PEAK1: variants seen among roughly 807,000 people sequenced by gnomAD.
PEAK1 encodes inactive tyrosine-protein kinase PEAK1.
In PEAK1, 54 loss-of-function variants were observed where a neutral mutation model predicts 124.7. That is an observed-to-expected ratio of 0.43 (90% CI 0.35 to 0.54). The LOEUF (loss-of-function observed/expected upper bound fraction) is 0.54, where lower values mean the gene tolerates loss of function less well. PEAK1 is among the 20% of genes least tolerant of loss of function. The pLI, the probability that PEAK1 is intolerant of heterozygous loss-of-function variation, is 0.01. For synonymous variants in PEAK1, 719 were observed against 760.0 expected (o/e 0.95, Z 0.89); for missense variants, 2,046 against 2,134.5 (o/e 0.96, Z 0.82).
chr15:77,185,135 T>C (rs1280546533), intron 6 of PEAK1, among the ~76,000 whole-genome samples: 1 of 152,060 alleles, frequency 6.6e-6, no homozygotes, highest in Admixed American at 6.6e-5. Flanking sequence ...TAAAAAGTAT[T>C]GAGGTTTTAG....
intron 2 of PEAK1, among the ~76,000 whole-genome samples, chr15:77,300,159 T>C (rs2063712721): frequency 1.3e-5 from 2 of 152,198 alleles, no homozygotes; most frequent in Non-Finnish European, 2.9e-5. Context: ...TTAAAACTTT[T>C]AGACTGAATT....
At chr15:77,231,371 A>T (rs1171217551) in intron 6 of PEAK1, among the ~76,000 whole-genome samples, 3 of 152,190 alleles carry the variant, frequency 2.0e-5, no homozygotes, top group African/African-American at 7.2e-5. Flanking sequence ...GGTTTAACCT[A>T]CTCTGTCCAC....
chr15:77,135,036 C>T (rs747184568), intron 8 of PEAK1, among the ~76,000 whole-genome samples: 46 of 152,278 alleles, frequency 3.0e-4, no homozygotes, highest in Middle Eastern at 3.4e-3. Context: ...TGGCCACTAC[C>T]AGATGCCAGA....
In PEAK1 at chr15:77,286,307, A is replaced by C. The variant is rs1597113391; in HGVS notation, c.-521+116T>G. 6 of 481,040 alleles carry C rather than the reference A, an allele frequency of 1.2e-5. No individual in the cohort carries two copies. The East Asian group carries it at 2.1e-4, about 17-fold the overall frequency. The allele number at this position is 481,040 out of a possible 1,614,324, so 29.8% of individuals were successfully genotyped here. ...TCTTATTCACCTTTATCTCCTCCAT[A>C]CTACTATGGCAAGGTTTAAAATTAT... is the stretch of plus-strand genomic sequence containing the variant. On this transcript the variant is annotated intron_variant, in intron 3 of 9. Coordinates refer to ENST00000682557, the MANE Select transcript of PEAK1 (RefSeq NM_001385026.1).
chr15:77,152,991 A>G (rs1175609343), intron 8 of PEAK1, among the ~76,000 whole-genome samples: 1 of 152,190 alleles, frequency 6.6e-6, no homozygotes, highest in Non-Finnish European at 1.5e-5. Flanking sequence ...TATCAGGATG[A>G]TGCTGGCCTC....
intron 1 of PEAK1, among the ~76,000 whole-genome samples, chr15:77,384,911 G>T (rs1410842725): frequency 6.6e-6 from 1 of 152,128 alleles, no homozygotes; most frequent in African/African-American, 2.4e-5. Flanking sequence ...AAGTCTGCCA[G>T]CCCAGGCCTT....
chr15:77,121,558 C>A (rs956460516), intron 9 of PEAK1, among the ~76,000 whole-genome samples: 1 of 152,154 alleles, frequency 6.6e-6, no homozygotes, highest in Admixed American at 6.5e-5. Flanking sequence ...CCAGGCTGCC[C>A]TGGGGGCTTG....
chr15:77,206,962 A>G (rs552833387), intron 6 of PEAK1, among the ~76,000 whole-genome samples: 1 of 152,168 alleles, frequency 6.6e-6, no homozygotes, highest in African/African-American at 2.4e-5. Flanking sequence ...ATAACGCCGC[A>G]TACCTACAAC....
At chr15:77,388,524 C>T (rs1016584239) in intron 1 of PEAK1, among the ~76,000 whole-genome samples, 7 of 152,112 alleles carry the variant, frequency 4.6e-5, no homozygotes, top group South Asian at 2.1e-4. Flanking sequence ...TAATTTAATA[C>T]TATGTCAACT....
intron 2 of PEAK1, among the ~76,000 whole-genome samples, chr15:77,319,073 C>CA (rs1322655021): frequency 1.3e-5 from 2 of 152,102 alleles, no homozygotes; most frequent in African/African-American, 4.8e-5. Context: ...CCAGCTATAA[C>CA]AATATTCATA....
At chr15:77,305,150 GGAAGGAAGGAAGGAGGGAA>G (rs139003873) in intron 2 of PEAK1, among the ~76,000 whole-genome samples, 38,839 of 130,974 alleles carry the variant, frequency 0.3, 6,765 homozygotes, top group Middle Eastern at 0.43. Flanking sequence ...TTCAAAAAAA[GGAAGGAAGGAAGGAGGGAA>G]GAAGGAAGGA....
At chr15:77,150,270 CTAG>C (rs2054491365) in intron 8 of PEAK1, among the ~76,000 whole-genome samples, 1 of 152,072 alleles carries the variant, frequency 6.6e-6, no homozygotes, top group Non-Finnish European at 1.5e-5. Context: ...ACATTAAAGT[CTAG>C]TGGCTAAGAT....
chr15:77,238,531 T>C (rs1353055973), intron 6 of PEAK1, among the ~76,000 whole-genome samples: 4 of 152,212 alleles, frequency 2.6e-5, no homozygotes, highest in African/African-American at 4.8e-5. Context: ...CTTCCATTTA[T>C]ATAGTTTGGT....
At chr15:77,132,059 T>C (rs551977000) in intron 9 of PEAK1, among the ~76,000 whole-genome samples, 1 of 152,054 alleles carries the variant, frequency 6.6e-6, no homozygotes, top group South Asian at 2.1e-4. Context: ...AGGTAGCCCT[T>C]GCAAAAAGCA....
At chr15:77,291,227 T>C (rs2063193748) in intron 2 of PEAK1, among the ~76,000 whole-genome samples, 1 of 152,190 alleles carries the variant, frequency 6.6e-6, no homozygotes, top group African/African-American at 2.4e-5. Flanking sequence ...GGGGTAATTC[T>C]CATTCTCACA....
intron 5 of PEAK1, among the ~76,000 whole-genome samples, chr15:77,272,721 G>T (rs2062101667): frequency 6.6e-6 from 1 of 151,692 alleles, no homozygotes; most frequent in Non-Finnish European, 1.5e-5. Context: ...CACTACTCCA[G>T]AAGATACAGA....
intron 2 of PEAK1, among the ~76,000 whole-genome samples, chr15:77,325,015 C>T (rs973646357): frequency 2.0e-5 from 3 of 152,110 alleles, no homozygotes; most frequent in Non-Finnish European, 4.4e-5. Context: ...TTGAAGCAAA[C>T]AGTGATGTAT....
intron 9 of PEAK1, among the ~76,000 whole-genome samples, chr15:77,124,845 C>T (rs1197887578): frequency 6.6e-6 from 1 of 152,214 alleles, no homozygotes; most frequent in East Asian, 1.9e-4. Flanking sequence ...TCTCAATGTA[C>T]TGCATTTACC....
intron 1 of PEAK1, among the ~76,000 whole-genome samples, chr15:77,384,896 G>A (rs2069794496): frequency 6.6e-6 from 1 of 152,086 alleles, no homozygotes; most frequent in Admixed American, 6.5e-5. Flanking sequence ...CTGGCTCTAA[G>A]GAAAAAGTCT....
Sources: gnomAD v4.1 joint callset for allele counts (sites outside exome capture counted in the v4.1 genomes callset) on GRCh38, gnomAD v4.1.1 for gene constraint, MANE v1.5 for transcripts, NCBI Gene and HGNC (gene_info 2026-07-23, HGNC 2026-07-21) for gene names.